BLNK: variants seen among roughly 807,000 people sequenced by gnomAD.
The protein encoded by BLNK is B-cell linker protein.
Under a neutral mutation model 73.5 loss-of-function variants are expected in BLNK, and 29 were observed. The observed-to-expected ratio is 0.39, with a 90% confidence interval of 0.29 to 0.54. The LOEUF (loss-of-function observed/expected upper bound fraction) is 0.54, where lower values mean the gene tolerates loss of function less well. Among genes scored for constraint, BLNK ranks in the 20% least tolerant of loss-of-function variants. The probability of loss-of-function intolerance (pLI) is 0.61; values close to 1 mark genes in which losing one functional copy is unlikely to be tolerated. For synonymous variants in BLNK, 176 were observed against 200.8 expected, an observed-to-expected ratio of 0.88 and a Z score of 1.04; for missense variants, 460 against 562.8, an observed-to-expected ratio of 0.82 and a Z score of 1.85.
chr10:96,215,083 C>T (rs1215171614), intron 8 of BLNK, among the ~76,000 whole-genome samples: 2 of 152,068 alleles, frequency 1.3e-5, no homozygotes, highest in African/African-American at 4.8e-5. Context: ...CACAGAGAAG[C>T]CAGCAAGGTG....
intron 8 of BLNK, chr10:96,210,109 A>G: frequency 3.1e-6 from 2 of 639,474 alleles, no homozygotes; most frequent in Non-Finnish European, 5.7e-6. Flanking sequence ...GTGTCAGTGT[A>G]TAAGCTCAGA....
At chr10:96,237,637 G>C (rs782256690) in intron 3 of BLNK, among the ~76,000 whole-genome samples, 6 of 152,208 alleles carry the variant, frequency 3.9e-5, no homozygotes, top group Non-Finnish European at 8.8e-5. Context: ...CCAGACCTCA[G>C]ACTTCAAAGA....
intron 1 of BLNK, among the ~76,000 whole-genome samples, chr10:96,261,797 A>C (rs555955335): frequency 6.6e-6 from 1 of 152,222 alleles, no homozygotes; most frequent in Admixed American, 6.5e-5. Context: ...AGTGCAATGA[A>C]ATACTCTTCC....
intron 1 of BLNK, among the ~76,000 whole-genome samples, chr10:96,269,120 A>G (rs561973520): frequency 6.6e-6 from 1 of 152,206 alleles, no homozygotes; most frequent in Non-Finnish European, 1.5e-5. Context: ...TCAACAGTAC[A>G]TTTTACCACA....
intron 1 of BLNK, among the ~76,000 whole-genome samples, chr10:96,255,829 C>G (rs1554910924): frequency 6.6e-6 from 1 of 152,150 alleles, no homozygotes. Context: ...GGGCCTCTTT[C>G]AGCAAATGTT....
intron 4 of BLNK, among the ~76,000 whole-genome samples, chr10:96,229,688 T>TGTGTGTGTGTG (rs1842423073): frequency 1.9e-5 from 1 of 52,416 alleles, no homozygotes; most frequent in African/African-American, 7.0e-5. Flanking sequence ...GTGTGTGTGT[T>TGTGTGTGTGTG]CGTGTGTGCA....
intron 13 of BLNK, 135 bp downstream of exon 13, chr10:96,203,921 TA>T: frequency 1.6e-6 from 1 of 644,502 alleles, no homozygotes; most frequent in Non-Finnish European, 2.8e-6. Context: ...ATTTTACAGG[TA>T]AGGAAACAAG....
In BLNK at chr10:96,191,698, C is replaced by G. The variant is rs1388870072; in HGVS notation, c.*275G>C. 1 of 311,712 alleles carries G rather than the reference C, an allele frequency of 3.2e-6. No individual in the cohort carries two copies. The highest frequency in any genetic ancestry group is 6.0e-6 in the Non-Finnish European group (1 of 166,260). 19.3% of individuals were successfully genotyped at this position (311,712 alleles called of 1,614,324 possible). ...TCTTATTTTGATAATATACTTTACA[C>G]TTATTTTTAAAAATAAAAATATTTA... On this transcript the variant is annotated 3_prime_UTR_variant, in exon 17 of 17. Transcript: ENST00000224337.
chr10:96,230,094 T>C (rs1020575790), intron 4 of BLNK, among the ~76,000 whole-genome samples: 14 of 152,176 alleles, frequency 9.2e-5, no homozygotes, highest in Non-Finnish European at 1.5e-4. Context: ...GAATTTGATA[T>C]AAGTGAGGAA....
chr10:96,221,521 C>T (rs1554901153), intron 6 of BLNK, among the ~76,000 whole-genome samples: 1 of 152,176 alleles, frequency 6.6e-6, no homozygotes, highest in African/African-American at 2.4e-5. Context: ...AGAACGCCCC[C>T]GCCTTCATAC....
intron 16 of BLNK, among the ~76,000 whole-genome samples, chr10:96,194,752 C>A (rs587658584): frequency 2.0e-5 from 3 of 146,868 alleles, no homozygotes; most frequent in Non-Finnish European, 3.0e-5. Context: ...CATCACTAAT[C>A]ATCAGAGAAA....
At chr10:96,231,104 T>C (rs1284798325) in intron 3 of BLNK, among the ~76,000 whole-genome samples, 10 of 152,128 alleles carry the variant, frequency 6.6e-5, no homozygotes, top group African/African-American at 2.4e-4. Flanking sequence ...CATTTCTGGG[T>C]CCCCCAGTAG....
chr10:96,207,832 C>A, intron 10 of BLNK, 40 bp downstream of exon 10: 2 of 1,610,186 alleles, frequency 1.2e-6, no homozygotes, highest in Non-Finnish European at 1.7e-6. Context: ...ATAAACACTG[C>A]AGGAAATATG....
chr10:96,192,706 C>T (rs1275298944), intron 16 of BLNK, among the ~76,000 whole-genome samples: 2 of 152,010 alleles, frequency 1.3e-5, no homozygotes, highest in African/African-American at 4.8e-5. Context: ...AATTTTGATC[C>T]TTGTTGTCTA....
At chr10:96,197,188 T>G in intron 15 of BLNK, 125 bp from the exon 16 acceptor site, 1 of 700,350 alleles carries the variant, frequency 1.4e-6, no homozygotes, top group Non-Finnish European at 2.3e-6. Flanking sequence ...AGCTACATTA[T>G]TTTTATTATT....
intron 1 of BLNK, among the ~76,000 whole-genome samples, chr10:96,253,210 T>A (rs1554909739): frequency 6.6e-6 from 1 of 152,238 alleles, no homozygotes; most frequent in African/African-American, 2.4e-5. Context: ...AATATTTTCA[T>A]AAGTGAGCAC....
rs2083313310 is a variant in BLNK at position 96,190,622 on chromosome 10, G to A, written c.*1351C>T. On this transcript the variant is annotated 3_prime_UTR_variant, in exon 17 of 17. Transcript: ENST00000224337. ...TTAGAAGTGAGTCATGAGTTACCCT[G>A]AAATTATTACCTTCTGGCCTTTCAA... is the stretch of plus-strand genomic sequence containing the variant. 2.0e-5 allele frequency among the ~76,000 whole-genome samples: 3 copies of A among 152,204 alleles called. No individual in the cohort carries two copies. Among genetic ancestry groups the A allele is most frequent in the African/African-American group, 7.2e-5 (3 of 41,456 alleles).
chr10:96,252,733 G>A (rs1367812511), intron 1 of BLNK, among the ~76,000 whole-genome samples: 6 of 152,294 alleles, frequency 3.9e-5, no homozygotes, highest in Non-Finnish European at 8.8e-5. Context: ...GTGACTGCAG[G>A]CAGAACATGC....
intron 6 of BLNK, among the ~76,000 whole-genome samples, chr10:96,219,410 T>C (rs773627469): frequency 5.5e-4 from 83 of 152,202 alleles, no homozygotes; most frequent in Non-Finnish European, 1.0e-3. Context: ...TTAGTTCCTA[T>C]AAAAGGAGAG....
Sources: gnomAD v4.1 joint callset for allele counts (sites outside exome capture counted in the v4.1 genomes callset) on GRCh38, gnomAD v4.1.1 for gene constraint, MANE v1.5 for transcripts, NCBI Gene and HGNC (gene_info 2026-07-23, HGNC 2026-07-21) for gene names.